Variants in FRMD6 observed in about 807,000 individuals in gnomAD.
FRMD6 encodes FERM domain-containing protein 6.
In FRMD6, 37 loss-of-function variants were observed where a neutral mutation model predicts 73.2. That is an observed-to-expected ratio of 0.51 (90% CI 0.39 to 0.66). The LOEUF (loss-of-function observed/expected upper bound fraction) is 0.66. Among genes scored for constraint, FRMD6 ranks in the 30% least tolerant of loss-of-function variants. FRMD6 has a pLI of 0.00. For missense variants in FRMD6, 714 were observed against 780.5 expected (o/e 0.91, Z 1.02); for synonymous variants, 273 against 282.2 (o/e 0.97, Z 0.33).
intron 1 of FRMD6, among the ~76,000 whole-genome samples, chr14:51,533,707 C>T (rs941332819): frequency 1.3e-5 from 2 of 152,166 alleles, no homozygotes; most frequent in Non-Finnish European, 2.9e-5. Context: ...CCTTCTGAAC[C>T]CTATCAATAA....
chr14:51,644,353 TCACACACACACACACA>T (rs375341468), intron 2 of FRMD6, among the ~76,000 whole-genome samples: 1 of 142,070 alleles, frequency 7.0e-6, no homozygotes, highest in Non-Finnish European at 1.5e-5. Flanking sequence ...GCCTCACCCT[TCACACACACACACACA>T]CACACACACA....
At chr14:51,686,543 T>TAAAAG (rs1317688167) in intron 1 of FRMD6, among the ~76,000 whole-genome samples, 1 of 152,118 alleles carries the variant, frequency 6.6e-6, no homozygotes, top group African/African-American at 2.4e-5. Flanking sequence ...TAGCTCAACA[T>TAAAAG]ATTGTTTTTG....
intron 2 of FRMD6, among the ~76,000 whole-genome samples, chr14:51,580,127 CGT>C (rs3060586): frequency 0.032 from 4,708 of 149,234 alleles, 92 homozygotes; most frequent in Non-Finnish European, 0.041. Context: ...TTGTGTGCAC[CGT>C]GTGTGTGTGT....
At chr14:51,438,272 C>T in the FRMD6 span, among the ~76,000 whole-genome samples, 4 of 152,196 alleles carry the variant, frequency 2.6e-5, no homozygotes, top group Non-Finnish European at 5.9e-5. Flanking sequence ...ATGGGAGAAT[C>T]AGCAGAACCT....
chr14:51,640,655 T>C (rs983278935), intron 2 of FRMD6, among the ~76,000 whole-genome samples: 1 of 152,254 alleles, frequency 6.6e-6, no homozygotes, highest in African/African-American at 2.4e-5. Flanking sequence ...TTCTTTATTG[T>C]AAATGCTAGT....
chr14:51,623,210 T>C (rs1464575635), intron 2 of FRMD6, among the ~76,000 whole-genome samples: 3 of 152,232 alleles, frequency 2.0e-5, no homozygotes, highest in Non-Finnish European at 2.9e-5. Flanking sequence ...AATAGGTGGT[T>C]GTTAAAACAA....
intron 1 of FRMD6, among the ~76,000 whole-genome samples, chr14:51,497,201 G>A (rs569988861): frequency 3.4e-4 from 51 of 150,916 alleles, no homozygotes; most frequent in African/African-American, 1.2e-3. Flanking sequence ...CTGACTCAAC[G>A]CTCTGGGTTC....
In FRMD6 at chr14:51,560,527, C is replaced by T. The variant is rs930893392; in HGVS notation, c.-209-9821C>T. ...GAGACCAAGTTTCGCTCTTGTTGCC[C>T]AGGCTGGTGTGCAATACCATGATCT... On this transcript the variant is annotated intron_variant, in intron 1 of 14. Coordinates refer to the FRMD6 transcript ENST00000356218. Among the ~76,000 whole-genome samples the T allele has an allele frequency of 2.6e-5, 4 of 152,164 alleles. No individual in the cohort carries two copies. In the South Asian group the frequency reaches 8.3e-4, roughly 32 times the overall value.
At chr14:51,437,293 T>C in the FRMD6 span, among the ~76,000 whole-genome samples, 2 of 152,222 alleles carry the variant, frequency 1.3e-5, no homozygotes, top group Non-Finnish European at 2.9e-5. Flanking sequence ...ACTTCATCCA[T>C]GTTCCTGCAA....
At chr14:51,412,220 T>A in the FRMD6 span, among the ~76,000 whole-genome samples, 1 of 152,228 alleles carries the variant, frequency 6.6e-6, no homozygotes, top group African/African-American at 2.4e-5. Context: ...TCTTTAGTCA[T>A]CCTTGTATTT....
At chr14:51,482,465 G>T in the FRMD6 span, among the ~76,000 whole-genome samples, 24,475 of 152,094 alleles carry the variant, frequency 0.16, 2,070 homozygotes, top group Non-Finnish European at 0.19. Flanking sequence ...CTCCATGGGT[G>T]TTTCTATAAC....
chr14:51,467,239 C>T, the FRMD6 span, among the ~76,000 whole-genome samples: 1 of 31,540 alleles, frequency 3.2e-5, no homozygotes, highest in Non-Finnish European at 6.5e-5. Flanking sequence ...ATCCATTTAA[C>T]CCTTAGTGGA....
the FRMD6 span, among the ~76,000 whole-genome samples, chr14:51,475,372 G>A: frequency 1.3e-5 from 2 of 152,162 alleles, no homozygotes; most frequent in African/African-American, 4.8e-5. Context: ...CATAGAGTTA[G>A]GAAGCACTAT....
chr14:51,717,246 C>T (rs1897288754), intron 10 of FRMD6: 1 of 152,150 alleles, frequency 6.6e-6, no homozygotes, highest in Admixed American at 6.5e-5. Context: ...TTTATTTCCT[C>T]ACAGTTCTAG....
chr14:51,473,001 T>C, the FRMD6 span, among the ~76,000 whole-genome samples: 10 of 152,286 alleles, frequency 6.6e-5, no homozygotes, highest in African/African-American at 2.4e-4. Flanking sequence ...CTTGAGCAGT[T>C]TGGGAAATAA....
chr14:51,625,587 C>T (rs1030323925), intron 2 of FRMD6, among the ~76,000 whole-genome samples: 18 of 152,260 alleles, frequency 1.2e-4, no homozygotes, highest in Admixed American at 1.1e-3. Context: ...TCACAGTGAG[C>T]TGCTGTAAGA....
At chr14:51,493,006 A>T (rs1596489348) in intron 1 of FRMD6, among the ~76,000 whole-genome samples, 1 of 152,158 alleles carries the variant, frequency 6.6e-6, no homozygotes, top group Non-Finnish European at 1.5e-5. Context: ...CAATCCTGGG[A>T]TATAGGTACA....
At chr14:51,536,791 A>G (rs1223524341) in intron 1 of FRMD6, among the ~76,000 whole-genome samples, 3 of 152,230 alleles carry the variant, frequency 2.0e-5, no homozygotes, top group Non-Finnish European at 2.9e-5. Context: ...CCAGCTGAGC[A>G]GTTTTAGGGA....
At chr14:51,674,273 A>G (rs1299582380) in intron 1 of FRMD6, among the ~76,000 whole-genome samples, 2 of 152,214 alleles carry the variant, frequency 1.3e-5, no homozygotes, top group Non-Finnish European at 2.9e-5. Flanking sequence ...ATGAAGGAAT[A>G]TAGGCACTCC....
Sources: allele counts gnomAD v4.1 joint callset (sites outside exome capture counted in the v4.1 genomes callset), GRCh38; gene constraint gnomAD v4.1.1; transcripts MANE v1.5; gene names NCBI Gene and HGNC (gene_info 2026-07-23, HGNC 2026-07-21).